MYH10: variants seen among roughly 807,000 people sequenced by gnomAD.
MYH10 encodes the protein myosin-10.
A neutral mutation model predicts 257.8 loss-of-function variants in MYH10; 55 were observed. The observed-to-expected ratio is 0.21, with a 90% confidence interval of 0.17 to 0.27. MYH10 has a LOEUF of 0.27. Among genes scored for constraint, MYH10 ranks in the 10% least tolerant of loss-of-function variants. The probability of loss-of-function intolerance (pLI) is 1.00; values close to 1 mark genes in which losing one functional copy is unlikely to be tolerated. For synonymous variants in MYH10, 854 were observed against 921.7 expected (o/e 0.93, Z 1.33); for missense variants, 1,631 against 2,500.6 (o/e 0.65, Z 7.42).
chr17:8,494,353 GT>G (rs1170861962), intron 31 of MYH10, among the ~76,000 whole-genome samples: 9 of 152,310 alleles, frequency 5.9e-5, no homozygotes, highest in Admixed American at 5.2e-4. Context: ...GCACAAACAT[GT>G]TTTTCCTGTT....
At chr17:8,510,782 G>A (rs1259633004) in intron 24 of MYH10, among the ~76,000 whole-genome samples, 2 of 152,040 alleles carry the variant, frequency 1.3e-5, no homozygotes, top group Admixed American at 6.5e-5. Flanking sequence ...AGTACAGGTC[G>A]TGAGAAATGA....
chr17:8,514,161 G>T (rs1299473793), intron 21 of MYH10, among the ~76,000 whole-genome samples: 2 of 152,128 alleles, frequency 1.3e-5, no homozygotes, highest in Non-Finnish European at 2.9e-5. Flanking sequence ...ACATTCTCCT[G>T]CTGCCACTCA....
In MYH10 at chr17:8,552,099, C is replaced by T; in HGVS notation, c.866G>A (p.Arg289His). Reference protein sequence around the residue: ...SRAVRQAKDERTFHIFYQLLS... With the variant: ...SRAVRQAKDEHTFHIFYQLLS... Reference sequence around the variant, plus strand: ...CAACTGGTAAAAGATATGAAAAGTACGTTCATCTTTTGCTTGACGAACAGC... The same window carrying T: ...CAACTGGTAAAAGATATGAAAAGTATGTTCATCTTTTGCTTGACGAACAGC... The change falls in exon 9 of 43, where the codon CGT (arginine) becomes CAT (histidine). Residue 289 changes from arginine to histidine, a missense_variant. Transcript: ENST00000360416. The surrounding 1 kb of genome is among the most constrained non-coding windows in gnomAD (Gnocchi z 4.8). 6.4e-7 allele frequency: 1 copy of T among 1,562,236 alleles called. No homozygotes were observed. The highest frequency in any genetic ancestry group is 1.2e-5 in the South Asian group (1 of 80,334).
chr17:8,507,130 G>A (rs1013166553), intron 26 of MYH10, among the ~76,000 whole-genome samples: 1 of 152,202 alleles, frequency 6.6e-6, no homozygotes, highest in African/African-American at 2.4e-5. Flanking sequence ...GTCACAGGCT[G>A]ATCAAACAGG....
rs1441447594 is a variant in MYH10 at position 8,497,948 on chromosome 17, T to C, written c.3951+1322A>G. Among the ~76,000 whole-genome samples, 4 of 147,482 alleles carry C rather than the reference T, an allele frequency of 2.7e-5. No individual in the cohort carries two copies. The East Asian group carries it at 8.1e-4, about 30-fold the overall frequency. The stretch of plus-strand genomic sequence containing the variant: ...TAATCTAGAGATGATTTATAGTATA[T>C]GGGAGGATGTGCATATATGCAAATA... On this transcript the variant is annotated intron_variant, in intron 30 of 42. Coordinates refer to ENST00000360416, the MANE Select transcript of MYH10 (RefSeq NM_001256012.3).
intron 2 of MYH10, among the ~76,000 whole-genome samples, chr17:8,622,276 T>C (rs1567994314): frequency 6.6e-6 from 1 of 152,106 alleles, no homozygotes; most frequent in Admixed American, 6.5e-5. Flanking sequence ...CTCTCTACAT[T>C]ATCCCTCTCT....
chr17:8,558,807 T>C (rs551007769), intron 7 of MYH10, among the ~76,000 whole-genome samples: 1 of 152,372 alleles, frequency 6.6e-6, no homozygotes, highest in South Asian at 2.1e-4. Context: ...ATCTTTAGAT[T>C]TGTAAGCATC....
intron 4 of MYH10, among the ~76,000 whole-genome samples, chr17:8,579,727 C>A (rs2083632513): frequency 6.6e-6 from 1 of 152,110 alleles, no homozygotes; most frequent in Non-Finnish European, 1.5e-5. Flanking sequence ...TAAAAGAGGC[C>A]TTTCTGGCAA....
At chr17:8,596,499 G>A (rs1311799841) in intron 3 of MYH10, among the ~76,000 whole-genome samples, 1 of 152,048 alleles carries the variant, frequency 6.6e-6, no homozygotes, top group Non-Finnish European at 1.5e-5. Context: ...TTTATAGAAT[G>A]GCTTGTTTTC....
Position 8,555,175 on chromosome 17 carries a change from C to T in MYH10, c.757-1157G>A, listed in dbSNP as rs146694068. The stretch of plus-strand genomic sequence containing the variant: ...CATTTTGCAAAACAAACATAATGAT[C>T]AAGAATGGTTTATTCTAGGACTGCT... On this transcript the variant is annotated intron_variant, in intron 7 of 42. Transcript: ENST00000360416. Among the ~76,000 whole-genome samples, 1,285 of 152,092 alleles carry T rather than the reference C, an allele frequency of 8.4e-3. 21 individuals are homozygous for T. The highest frequency in any genetic ancestry group is 0.028 in the African/African-American group (1,179 of 41,498).
intron 24 of MYH10, among the ~76,000 whole-genome samples, chr17:8,510,313 G>C (rs962429270): frequency 6.6e-6 from 1 of 151,836 alleles, no homozygotes; most frequent in African/African-American, 2.4e-5. Flanking sequence ...ACTAATTTTT[G>C]ATTCTCAAAA....
chr17:8,610,135 C>T (rs1205452195), intron 2 of MYH10, among the ~76,000 whole-genome samples: 1 of 151,834 alleles, frequency 6.6e-6, no homozygotes, highest in South Asian at 2.1e-4. Context: ...AAATGACTCA[C>T]TACTGATCAA....
intron 3 of MYH10, among the ~76,000 whole-genome samples, chr17:8,592,970 T>TATATATATATATATATATATAA (rs1567953268): frequency 7.4e-5 from 9 of 121,954 alleles, no homozygotes; most frequent in East Asian, 2.4e-4. Flanking sequence ...TATATATATA[T>TATATATATATATATATATATAA]AAAAGATGAT....
chr17:8,546,665 G>T lies in MYH10; in HGVS notation c.1160-3C>A. On this transcript the variant is annotated splice_region_variant and splice_polypyrimidine_tract_variant and intron_variant, in intron 11 of 42. Transcript: ENST00000360416. ...AAGATGGCAGAGCTTCTGCGCAACT[G>T]AAGTGTAAAAAGTCTCCTAAATCCT... The T allele has an allele frequency of 6.2e-7, 1 of 1,611,224 alleles. No individual in the cohort carries two copies. Among genetic ancestry groups the T allele is most frequent in the Non-Finnish European group, 8.5e-7 (1 of 1,177,784 alleles).
At chr17:8,518,514 C>T in intron 21 of MYH10, 117 bp downstream of exon 21, 1 of 1,116,552 alleles carries the variant, frequency 9.0e-7, no homozygotes, top group Non-Finnish European at 1.3e-6. Context: ...CACTATAAAG[C>T]AACTTCTGTA....
chr17:8,504,476 G>A lies in MYH10; in HGVS notation c.3599+218C>T, dbSNP rs112808798. Among the ~76,000 whole-genome samples, 4 of 152,012 alleles carry A rather than the reference G, an allele frequency of 2.6e-5. No homozygotes were observed. Among genetic ancestry groups the A allele is most frequent in the African/African-American group, 9.7e-5 (4 of 41,374 alleles). ...TCCGATCACATCCATCTCCCTCTGT[G>A]TCCCTCAGTCTGCTGGTTTACCCAC... is the stretch of plus-strand genomic sequence containing the variant. On this transcript the variant is annotated intron_variant, in intron 28 of 42. Transcript: ENST00000360416. This position sits in a 1 kb window ranked among gnomAD's most constrained non-coding sequence, Gnocchi z 5.6.
rs762200312 is a variant in MYH10, at chr17:8,548,624, C to G, written c.1063+20G>C. ...GTCTTAGGAAAGTGAGTACCAGAAT[C>G]TTAGAGAAATCACACATACACAGAA... is the stretch of plus-strand genomic sequence containing the variant. On this transcript the variant is annotated intron_variant, in intron 10 of 42. Transcript: ENST00000360416. 2.0e-5 allele frequency: 32 copies of G among 1,612,716 alleles called. No homozygotes were observed. The highest frequency in any genetic ancestry group is 2.7e-5 in the Non-Finnish European group (32 of 1,179,510).
chr17:8,516,483 G>GCC lies in MYH10; in HGVS notation c.2504+2147_2504+2148insGG, dbSNP rs1268613540. On this transcript the variant is annotated intron_variant, in intron 21 of 42. Transcript: ENST00000360416. ...AGGGGCAGGGGCTGCAAAGGCAAAG[G>GCC]CATGCTGGCTTACATATAAGATTAC... 6.6e-5 allele frequency among the ~76,000 whole-genome samples: 10 copies of GCC among 152,312 alleles called. No homozygotes were observed. In the East Asian group the frequency reaches 1.9e-3, roughly 29 times the overall value.
At position 8,586,477 on chromosome 17, in the gene MYH10, C is replaced by T. The variant is rs180677127; in HGVS notation, c.530+2604G>A. ...TCTAGGTGGTAGACACATGGCTGTTCACTGCAAAATTCTTTCAACTGTGCT... is the reference window on the plus strand; with the variant it reads ...TCTAGGTGGTAGACACATGGCTGTTTACTGCAAAATTCTTTCAACTGTGCT... On this transcript the variant is annotated intron_variant, in intron 4 of 42. Transcript: ENST00000360416. Among the ~76,000 whole-genome samples the T allele has an allele frequency of 2.7e-4, 41 of 152,124 alleles. No homozygotes were observed. In the East Asian group the frequency reaches 7.7e-3, roughly 29 times the overall value.
Sources: allele counts gnomAD v4.1 joint callset (sites outside exome capture counted in the v4.1 genomes callset), GRCh38; gene constraint gnomAD v4.1.1; non-coding constraint Gnocchi (gnomAD v3.1); transcripts MANE v1.5; gene names NCBI Gene and HGNC (gene_info 2026-07-23, HGNC 2026-07-21).